Variants in PHACTR2 observed in about 807,000 individuals in gnomAD.
The protein encoded by PHACTR2 is chromosome 6 open reading frame 56.
In PHACTR2, 30 loss-of-function variants were observed where a neutral mutation model predicts 76.0. The ratio of observed to expected loss-of-function variants is 0.39; its 90% confidence interval spans 0.30 to 0.54. The LOEUF (loss-of-function observed/expected upper bound fraction) is 0.54, where lower values mean the gene tolerates loss of function less well. Among genes scored for constraint, PHACTR2 ranks in the 20% least tolerant of loss-of-function variants. PHACTR2 has a pLI of 0.61. For synonymous variants in PHACTR2, 292 were observed against 292.5 expected, an observed-to-expected ratio of 1.00 and a Z score of 0.02; for missense variants, 696 against 781.1, an observed-to-expected ratio of 0.89 and a Z score of 1.30.
rs894107351 is a variant in PHACTR2, at chr6:143,557,857, AG to A, written c.217+20653del. 6.6e-6 allele frequency: 1 copy of A among 152,236 alleles called. No individual in the cohort carries two copies. The highest frequency in any genetic ancestry group is 1.5e-5 in the Non-Finnish European group (1 of 68,040). The allele number at this position is 152,236 out of a possible 1,614,324, so 9.4% of individuals were successfully genotyped here. A position where few individuals can be genotyped will look rare whatever the true frequency, so the allele number is the denominator to read the frequency against. On this transcript the variant is annotated intron_variant, in intron 1 of 11. Coordinates refer to the PHACTR2 transcript ENST00000367584. This position sits in a 1 kb window ranked among gnomAD's most constrained non-coding sequence, Gnocchi z 5.5. ...ATGTTCTTGAAGGTAAAATTAGGCC[AG>A]GGTTCTACGGAATAAGCTGGAACCA...
In PHACTR2 at chr6:143,560,052, A is replaced by G. The variant is rs9496666; in HGVS notation, c.217+22845A>G. On this transcript the variant is annotated intron_variant, in intron 1 of 11. Transcript: ENST00000367584. ...AAAACAAAAATTGAGAGTAGGGGTT[A>G]TGAGGATTGTTATGAAAACATAAGT... Among the ~76,000 whole-genome samples the G allele has an allele frequency of 7.1e-3, 1,078 of 152,288 alleles. 16 individuals carry two copies. The highest frequency in any genetic ancestry group is 0.022 in the African/African-American group (912 of 41,564).
rs1021582283 is a variant in PHACTR2, at chr6:143,648,544, A to G, written c.13+40222A>G. 1.3e-5 allele frequency among the ~76,000 whole-genome samples: 2 copies of G among 152,162 alleles called. No individual in the cohort carries two copies. Among genetic ancestry groups the G allele is most frequent in the African/African-American group, 4.8e-5 (2 of 41,444 alleles). ...TGGGTTGAGTCAGGTAAGACAGAGA[A>G]GCTTGCTAAGGTGGAGTGGAAGGAA... On this transcript the variant is annotated intron_variant, in intron 1 of 11. Transcript: ENST00000305766. This position sits in a 1 kb window ranked among gnomAD's most constrained non-coding sequence, Gnocchi z 6.7.
rs887203728 is a variant in PHACTR2 at position 143,731,369 on chromosome 6, C to T, written c.215-17616C>T. Among the ~76,000 whole-genome samples the T allele has an allele frequency of 6.6e-6, 1 of 152,032 alleles. No individual in the cohort carries two copies. On this transcript the variant is annotated intron_variant, in intron 2 of 12. Transcript: ENST00000440869. The surrounding 1 kb of genome is among the most constrained non-coding windows in gnomAD (Gnocchi z 4.9). ...ATGGCACGGTCTTGGCTCACAGCAACCTCCGCCTCCCAGGTTCAAGTGATT... is the reference window on the plus strand; with the variant it reads ...ATGGCACGGTCTTGGCTCACAGCAATCTCCGCCTCCCAGGTTCAAGTGATT...
intron 4 of PHACTR2, among the ~76,000 whole-genome samples, chr6:143,756,868 C>A (rs1299077470): frequency 6.6e-6 from 1 of 151,966 alleles, no homozygotes; most frequent in Non-Finnish European, 1.5e-5. Flanking sequence ...GCCAACAGGG[C>A]AAAGCCCCAT....
At chr6:143,607,575 A>AC (rs34189480), upstream of PHACTR2, among the ~76,000 whole-genome samples, 29,870 of 152,218 alleles carry the variant, frequency 0.2, 3,097 homozygotes, top group South Asian at 0.27. Context: ...CGGTGAAAAT[A>AC]TTTGAATTTC....
Position 143,829,188 on chromosome 6 carries a change from C to CTTTTTTTTT in PHACTR2, c.*5513_*5521dup, listed in dbSNP as rs748075314. 2 of 71,702 alleles carry CTTTTTTTTT rather than the reference C, an allele frequency of 2.8e-5. No homozygotes were observed. Among genetic ancestry groups the CTTTTTTTTT allele is most frequent in the African/African-American group, 5.7e-5 (1 of 17,510 alleles). The allele number at this position is 71,702 out of a possible 1,614,324, so 4.4% of individuals were successfully genotyped here. ...AAGGAGAGATCATACATGAAGAAAG[C>CTTTTTTTTT]TTTTTTTTTTTTTTTTTTTTTTGCC... On this transcript the variant is annotated 3_prime_UTR_variant, in exon 13 of 13. Transcript: ENST00000440869.
rs777976640 is a variant in PHACTR2, at chr6:143,602,762, C to T, written c.217+65555C>T. ...GTCCAAACTTGTCGGAAGACTGTGT[C>T]TGATGGATGTTGCCTTATGTAAGGT... is the stretch of plus-strand genomic sequence containing the variant. On this transcript the variant is annotated intron_variant, in intron 1 of 11. Transcript: ENST00000367584. The surrounding 1 kb of genome is among the most constrained non-coding windows in gnomAD (Gnocchi z 6.1). Among the ~76,000 whole-genome samples, 1 of 152,178 alleles carries T rather than the reference C, an allele frequency of 6.6e-6. No homozygotes were observed. The highest frequency in any genetic ancestry group is 2.4e-5 in the African/African-American group (1 of 41,442).
intron 1 of PHACTR2, among the ~76,000 whole-genome samples, chr6:143,691,093 A>T (rs534722609): frequency 6.6e-6 from 1 of 152,210 alleles, no homozygotes; most frequent in Non-Finnish European, 1.5e-5. Context: ...GGGGTCTCAG[A>T]GTCTGTGTTC....
At chr6:143,796,824 G>T (rs1582890300) in intron 11 of PHACTR2, among the ~76,000 whole-genome samples, 2 of 152,100 alleles carry the variant, frequency 1.3e-5, no homozygotes, top group Non-Finnish European at 2.9e-5. Flanking sequence ...TGGACATATG[G>T]GTTGGTTCCA....
chr6:143,783,666 G>A lies in PHACTR2; in HGVS notation c.1707+386G>A, dbSNP rs548201044. ...TAAAACAAATCAATATAATGCACAT[G>A]CTATGAGTGATGTTTCTGATTGTGT... On this transcript the variant is annotated intron_variant, in intron 10 of 12. Coordinates refer to ENST00000440869, the MANE Select transcript of PHACTR2 (RefSeq NM_001100164.2). The surrounding 1 kb of genome is among the most constrained non-coding windows in gnomAD (Gnocchi z 5.2). 1.8e-4 allele frequency among the ~76,000 whole-genome samples: 27 copies of A among 152,298 alleles called. No homozygotes were observed. The East Asian group carries it at 5.0e-3, about 28-fold the overall frequency.
At chr6:143,640,762 G>T (rs1484737944) in intron 1 of PHACTR2, among the ~76,000 whole-genome samples, 1 of 152,162 alleles carries the variant, frequency 6.6e-6, no homozygotes, top group African/African-American at 2.4e-5. Flanking sequence ...CTCCTCAAAA[G>T]ATATGTCTAT....
chr6:143,562,656 T>C lies in PHACTR2; in HGVS notation c.217+25449T>C, dbSNP rs1775297289. Among the ~76,000 whole-genome samples the C allele has an allele frequency of 6.6e-6, 1 of 152,154 alleles. No individual in the cohort carries two copies. The highest frequency in any genetic ancestry group is 1.5e-5 in the Non-Finnish European group (1 of 68,036). On this transcript the variant is annotated intron_variant, in intron 1 of 11. Transcript: ENST00000367584. The surrounding 1 kb of genome is among the most constrained non-coding windows in gnomAD (Gnocchi z 5.1). The stretch of plus-strand genomic sequence containing the variant: ...AATCCTGTCTTAAAATTTATGTATA[T>C]ACAATTCATGCCACAGACTCTCATT...
chr6:143,711,125 A>G (rs973070858), intron 1 of PHACTR2: 2 of 501,246 alleles, frequency 4.0e-6, no homozygotes, highest in South Asian at 1.4e-5. Context: ...GATAATTTCC[A>G]TCACCGCTAT....
chr6:143,748,847 GT>G (rs33958582), intron 2 of PHACTR2, 137 bp from the exon 3 acceptor site: 366,015 of 549,580 alleles, frequency 0.67, 123,125 homozygotes, highest in African/African-American at 0.77. Context: ...CAGATCATGT[GT>G]TTTTTTTAAG....
chr6:143,673,056 G>A (rs985581606), upstream of PHACTR2, among the ~76,000 whole-genome samples: 1 of 152,130 alleles, frequency 6.6e-6, no homozygotes, highest in Non-Finnish European at 1.5e-5. Flanking sequence ...TCCACTGTTA[G>A]GATCATGTAT....
rs1056395868 is a variant in PHACTR2, at chr6:143,826,738, G to GTGT, written c.*3051_*3053dup. On this transcript the variant is annotated 3_prime_UTR_variant, in exon 13 of 13. Transcript: ENST00000440869. ...AAGGCAGCTTGCCTGATAATTTCCT[G>GTGT]TGTTATGTGAAGTGTCTTGCACTTT... 1.3e-5 allele frequency: 2 copies of GTGT among 152,134 alleles called. No individual in the cohort carries two copies. The highest frequency in any genetic ancestry group is 2.9e-5 in the Non-Finnish European group (2 of 68,024). The allele number at this position is 152,134 out of a possible 1,614,324, so 9.4% of individuals were successfully genotyped here.
chr6:143,629,201 T>G (rs1776317391), intron 1 of PHACTR2, among the ~76,000 whole-genome samples: 1 of 151,906 alleles, frequency 6.6e-6, no homozygotes, highest in African/African-American at 2.4e-5. Context: ...GAAAATCATA[T>G]TGGTCATATG....
rs1250432774 is a variant in PHACTR2 at position 143,678,203 on chromosome 6, G to C, written c.40G>C (p.Gly14Arg). The change falls in exon 1 of 13, where the codon GGC becomes CGC. Residue 14 changes from glycine (G) to arginine (R), a missense_variant. Physicochemically the swap from Gly to Arg is moderately radical, Grantham distance 125. Coordinates refer to ENST00000440869, the MANE Select transcript of PHACTR2 (RefSeq NM_001100164.2). This position sits in a 1 kb window ranked among gnomAD's most constrained non-coding sequence, Gnocchi z 6.2. The stretch of plus-strand genomic sequence containing the variant: ...GGTGTCCACGCTGTCCCCGCAGCCC[G>C]GCAGCGGTGAGTCCGGGGCGCACGC... ...TSVSTLSPQP[G>R]SVDGLDKASI... The C allele has an allele frequency of 6.5e-7, 1 of 1,535,560 alleles. No homozygotes were observed. Among genetic ancestry groups the C allele is most frequent in the South Asian group, 1.2e-5 (1 of 83,312 alleles).
At chr6:143,779,190 TACAA>T (rs1432887556) in intron 9 of PHACTR2, among the ~76,000 whole-genome samples, 1 of 152,194 alleles carries the variant, frequency 6.6e-6, no homozygotes, top group Non-Finnish European at 1.5e-5. Context: ...TGGCCTAACT[TACAA>T]ACACTCTACT....
Sources: gnomAD v4.1 joint callset for allele counts (sites outside exome capture counted in the v4.1 genomes callset) on GRCh38, gnomAD v4.1.1 for gene constraint, Gnocchi (gnomAD v3.1) non-coding constraint, MANE v1.5 for transcripts, NCBI Gene and HGNC (gene_info 2026-07-23, HGNC 2026-07-21) for gene names.